The following TSHZ1 variants were observed in gnomAD, a reference collection of about 807,000 sequenced individuals.
TSHZ1 encodes teashirt zinc finger homeobox 1, also known as teashirt homolog 1.
In TSHZ1, 12 loss-of-function variants were observed where a neutral mutation model predicts 67.1. The ratio of observed to expected loss-of-function variants is 0.18; its 90% confidence interval spans 0.11 to 0.29. The LOEUF (loss-of-function observed/expected upper bound fraction) is 0.29. Among genes scored for constraint, TSHZ1 ranks in the 10% least tolerant of loss-of-function variants. TSHZ1 has a pLI of 1.00. For missense variants in TSHZ1, 1,305 were observed against 1,413.9 expected, an observed-to-expected ratio of 0.92 and a Z score of 1.23; for synonymous variants, 632 against 622.4, an observed-to-expected ratio of 1.02 and a Z score of -0.23.
chr18:75,286,725 C>A lies in TSHZ1; in HGVS notation c.1318C>A (p.His440Asn), dbSNP rs1453890395. 1 of 1,613,826 alleles carries A rather than the reference C, an allele frequency of 6.2e-7. No homozygotes were observed. The highest frequency in any genetic ancestry group is 8.5e-7 in the Non-Finnish European group (1 of 1,180,034). ...QLTAHMMVTG[H>N]FLKVTTSASK... ...CACCGCCCACATGATGGTCACCGGGCACTTCCTGAAAGTGACCACCTCGGC... is the reference window on the plus strand; with the variant it reads ...CACCGCCCACATGATGGTCACCGGGAACTTCCTGAAAGTGACCACCTCGGC... Residue 440 changes from histidine to asparagine, a missense_variant, in exon 2 of 2, where the codon CAC becomes AAC. This residue lies in a region of TSHZ1 where 909 missense variants were observed against 961.8 expected (regional missense o/e 0.95). Coordinates refer to ENST00000580243, the MANE Select transcript of TSHZ1 (RefSeq NM_001308210.2). This position sits in a 1 kb window ranked among gnomAD's most constrained non-coding sequence, Gnocchi z 5.1.
chr18:75,235,244 T>C (rs867477215), intron 1 of TSHZ1, among the ~76,000 whole-genome samples: 3 of 152,156 alleles, frequency 2.0e-5, no homozygotes, highest in Non-Finnish European at 2.9e-5. Context: ...ATCCCCTTGG[T>C]TTCCTGACAT....
chr18:75,273,274 A>G (rs1183542208), intron 1 of TSHZ1, among the ~76,000 whole-genome samples: 1 of 152,238 alleles, frequency 6.6e-6, no homozygotes, highest in East Asian at 1.9e-4. Flanking sequence ...ATGGTTTAAG[A>G]AAACACCTTT....
chr18:75,245,959 T>G (rs2023216327), intron 1 of TSHZ1, among the ~76,000 whole-genome samples: 1 of 152,212 alleles, frequency 6.6e-6, no homozygotes, highest in African/African-American at 2.4e-5. Context: ...GGCTTTGACT[T>G]CCACAAATAC....
rs2022696856 is a variant in TSHZ1 at position 75,211,859 on chromosome 18, CTGCGGCG to C, written c.-17_-11del. Reference sequence around the variant, plus strand: ...ACTCCGGCGGCGGCTGAGGCGACGGCTGCGGCGGCCGAGCAGCATGCCGAGGAGGAAG... The same window carrying C: ...ACTCCGGCGGCGGCTGAGGCGACGGCGCCGAGCAGCATGCCGAGGAGGAAG... On this transcript the variant is annotated 5_prime_UTR_variant, in exon 1 of 2. Transcript: ENST00000580243. 1.4e-5 allele frequency: 17 copies of C among 1,172,432 alleles called. No individual in the cohort carries two copies. In the South Asian group the frequency reaches 7.1e-4, roughly 49 times the overall value. 72.6% of individuals were successfully genotyped at this position (1,172,432 alleles called of 1,614,324 possible). A position where few individuals can be genotyped will look rare whatever the true frequency, so the allele number is the denominator to read the frequency against.
At chr18:75,257,283 T>C (rs760239686) in intron 1 of TSHZ1, among the ~76,000 whole-genome samples, 2 of 152,240 alleles carry the variant, frequency 1.3e-5, no homozygotes, top group Non-Finnish European at 2.9e-5. Context: ...AAAACCTTAA[T>C]GTATACAGAA....
chr18:75,220,710 A>G (rs11663044), intron 1 of TSHZ1, among the ~76,000 whole-genome samples: 25,406 of 152,024 alleles, frequency 0.17, 2,813 homozygotes, highest in African/African-American at 0.31. Flanking sequence ...TAACCTTTTC[A>G]TGTTTTCCAG....
chr18:75,271,023 A>G (rs1044311326), intron 1 of TSHZ1, among the ~76,000 whole-genome samples: 10 of 152,184 alleles, frequency 6.6e-5, no homozygotes, highest in African/African-American at 2.4e-4. Flanking sequence ...GCAGAAACAA[A>G]TGGGATAGAA....
chr18:75,270,597 TA>T (rs1287126509), intron 1 of TSHZ1, among the ~76,000 whole-genome samples: 1 of 152,206 alleles, frequency 6.6e-6, no homozygotes, highest in Non-Finnish European at 1.5e-5. Flanking sequence ...TAGATTTCAA[TA>T]TTGCCACTGG....
Position 75,243,026 on chromosome 18 carries a change from G to A in TSHZ1, c.40+31110G>A, listed in dbSNP as rs2023176289. 2.0e-5 allele frequency among the ~76,000 whole-genome samples: 3 copies of A among 152,180 alleles called. No homozygotes were observed. In the South Asian group the frequency reaches 6.2e-4, roughly 32 times the overall value. On this transcript the variant is annotated intron_variant, in intron 1 of 1. Coordinates refer to ENST00000580243, the MANE Select transcript of TSHZ1 (RefSeq NM_001308210.2). ...TGGTCATGCAGGAGAACAGCCCGGG[G>A]GATGGGGCCGGTGAGGTCTGGAGGC...
intron 1 of TSHZ1, among the ~76,000 whole-genome samples, chr18:75,271,766 C>T (rs975817840): frequency 4.6e-5 from 7 of 150,956 alleles, no homozygotes; most frequent in African/African-American, 1.5e-4. Flanking sequence ...CCCCTTAACG[C>T]ACCTGATCAA....
At chr18:75,269,410 G>A (rs528369276) in intron 1 of TSHZ1, among the ~76,000 whole-genome samples, 34 of 152,166 alleles carry the variant, frequency 2.2e-4, no homozygotes, top group African/African-American at 6.7e-4. Flanking sequence ...CACTAGACCC[G>A]TGGTTACCTC....
chr18:75,227,506 G>GA (rs953740125), intron 1 of TSHZ1, among the ~76,000 whole-genome samples: 42 of 150,446 alleles, frequency 2.8e-4, no homozygotes, highest in African/African-American at 8.0e-4. Flanking sequence ...AAGTGCAAAG[G>GA]AAAAAAAAAG....
intron 1 of TSHZ1, among the ~76,000 whole-genome samples, chr18:75,223,224 G>A (rs548114859): frequency 1.4e-4 from 22 of 152,250 alleles, no homozygotes; most frequent in African/African-American, 4.6e-4. Flanking sequence ...ATATAAATTC[G>A]TTTGTCTGTT....
At chr18:75,280,900 T>G in intron 1 of TSHZ1, 1 of 883,068 alleles carries the variant, frequency 1.1e-6, no homozygotes, top group Non-Finnish European at 1.4e-6. Context: ...TGAGCCTCCC[T>G]GGAGGGATGA....
At chr18:75,237,554 A>G (rs1230034890) in intron 1 of TSHZ1, among the ~76,000 whole-genome samples, 3 of 152,118 alleles carry the variant, frequency 2.0e-5, no homozygotes, top group African/African-American at 7.2e-5. Context: ...TATATCTTAC[A>G]TGCATGCATA....
At chr18:75,244,182 C>T (rs551807437) in intron 1 of TSHZ1, among the ~76,000 whole-genome samples, 33 of 152,130 alleles carry the variant, frequency 2.2e-4, no homozygotes, top group African/African-American at 7.7e-4. Context: ...TTCCGGGTTC[C>T]CTTGCACCCC....
At chr18:75,224,061 TAAAAAAAA>T (rs11347694) in intron 1 of TSHZ1, among the ~76,000 whole-genome samples, 210 of 117,878 alleles carry the variant, frequency 1.8e-3, no homozygotes, top group African/African-American at 6.0e-3. Flanking sequence ...TTTAAACTTG[TAAAAAAAA>T]AAAAAAAAAA....
rs74530794 is a variant in TSHZ1, at chr18:75,287,903, G to T, written c.2496G>T (p.Leu832=). The change falls in exon 2 of 2, where the codon CTG becomes CTT. Residue 832 remains leucine, a synonymous_variant. Coordinates refer to ENST00000580243, the MANE Select transcript of TSHZ1 (RefSeq NM_001308210.2). This position sits in a 1 kb window ranked among gnomAD's most constrained non-coding sequence, Gnocchi z 5.0. ...SSVADSVASP[L]RESALMDISD... Reference sequence around the variant, plus strand: ...TGGCTGATTCGGTGGCATCACCTCTGCGGGAGAGCGCACTCATGGACATCT... The same window carrying T: ...TGGCTGATTCGGTGGCATCACCTCTTCGGGAGAGCGCACTCATGGACATCT... The T allele has an allele frequency of 6.1e-4, 984 of 1,614,182 alleles. 5 individuals carry two copies. In the African/African-American group the frequency reaches 9.8e-3, roughly 16 times the overall value.
chr18:75,269,100 T>A (rs2023526718), intron 1 of TSHZ1, among the ~76,000 whole-genome samples: 1 of 152,212 alleles, frequency 6.6e-6, no homozygotes, highest in African/African-American at 2.4e-5. Flanking sequence ...ACGTATTTTA[T>A]GCTAGAGATT....
Sources: allele counts gnomAD v4.1 joint callset (sites outside exome capture counted in the v4.1 genomes callset), GRCh38; gene constraint gnomAD v4.1.1; regional missense constraint gnomAD v4.1.1; non-coding constraint Gnocchi (gnomAD v3.1); transcripts MANE v1.5; gene names NCBI Gene and HGNC (gene_info 2026-07-23, HGNC 2026-07-21).